Variants in MACO1 observed in about 807,000 individuals in gnomAD.
The protein encoded by MACO1 is macoilin 1.
Under a neutral mutation model 78.7 loss-of-function variants are expected in MACO1, and 14 were observed. The observed-to-expected ratio is 0.18, with a 90% CI of 0.12 to 0.28. The LOEUF is 0.28. Among genes scored for constraint, MACO1 ranks in the 10% least tolerant of loss-of-function variants. The pLI, the probability that MACO1 is intolerant of heterozygous loss-of-function variation, is 1.00. For synonymous variants in MACO1, 288 were observed against 291.6 expected (o/e 0.99, Z 0.12); for missense variants, 501 against 799.0 (o/e 0.63, Z 4.50).
chr1:25,467,619 A>T (rs930869992), intron 6 of MACO1, among the ~76,000 whole-genome samples: 1 of 152,158 alleles, frequency 6.6e-6, no homozygotes, highest in Non-Finnish European at 1.5e-5. Flanking sequence ...TATGGTATCA[A>T]CCCTTTAAAG....
At chr1:25,473,513 G>A (rs187579422) in intron 6 of MACO1, among the ~76,000 whole-genome samples, 2 of 152,254 alleles carry the variant, frequency 1.3e-5, no homozygotes, top group East Asian at 1.9e-4. Context: ...GTTGAGTCCC[G>A]AGAGTTCATT....
chr1:25,495,395 T>A (rs1435525721), intron 10 of MACO1, among the ~76,000 whole-genome samples: 3 of 152,218 alleles, frequency 2.0e-5, no homozygotes, highest in African/African-American at 7.2e-5. Context: ...ATACAGTGGC[T>A]TATATATCAG....
intron 6 of MACO1, among the ~76,000 whole-genome samples, chr1:25,475,917 C>T (rs2043318065): frequency 6.6e-6 from 1 of 152,066 alleles, no homozygotes; most frequent in Admixed American, 6.6e-5. Context: ...ATTGAATATT[C>T]TTCATTGGTG....
chr1:25,453,533 G>T lies in MACO1; in HGVS notation c.350-726G>T, dbSNP rs576968562. 4.0e-5 allele frequency among the ~76,000 whole-genome samples: 6 copies of T among 151,098 alleles called. No individual in the cohort carries two copies. In the South Asian group the frequency reaches 1.3e-3, roughly 32 times the overall value. ...AAAAAATTAGCCGGTCGTGGTGGTG[G>T]GCGCCTATAGTCCCAGCTATTTGAG... On this transcript the variant is annotated intron_variant, in intron 3 of 10. Transcript: ENST00000374343.
chr1:25,479,228 T>C (rs1392269761), intron 6 of MACO1, among the ~76,000 whole-genome samples: 2 of 152,214 alleles, frequency 1.3e-5, no homozygotes, highest in Non-Finnish European at 2.9e-5. Context: ...TGCATTAACC[T>C]TTTAACACCA....
intron 6 of MACO1, among the ~76,000 whole-genome samples, chr1:25,477,856 CAA>C (rs1349501498): frequency 6.6e-6 from 1 of 152,214 alleles, no homozygotes; most frequent in Non-Finnish European, 1.5e-5. Context: ...AGGTAATTCA[CAA>C]GAGATAAGAA....
At position 25,461,846 on chromosome 1, in the gene MACO1, T is replaced by C. The variant is rs570406904; in HGVS notation, c.1154+2954T>C. Among the ~76,000 whole-genome samples, 145 of 152,310 alleles carry C rather than the reference T, an allele frequency of 9.5e-4. 2 individuals carry two copies. The highest frequency in any genetic ancestry group is 3.4e-3 in the African/African-American group (140 of 41,562). On this transcript the variant is annotated intron_variant, in intron 6 of 10. Coordinates refer to ENST00000374343, the MANE Select transcript of MACO1 (RefSeq NM_018202.6). ...AACAATAGTTGTTATCCCTTGATAG[T>C]ATTGGGCATTTATTTTTTCTTTTTA...
chr1:25,455,204 A>T (rs2124583548), intron 4 of MACO1, among the ~76,000 whole-genome samples: 2 of 152,308 alleles, frequency 1.3e-5, no homozygotes, highest in African/African-American at 4.8e-5. Context: ...GTAAGAGAAT[A>T]TTATTAATAA....
intron 1 of MACO1, among the ~76,000 whole-genome samples, chr1:25,437,982 C>T (rs2042934403): frequency 6.6e-6 from 1 of 151,556 alleles, no homozygotes; most frequent in Non-Finnish European, 1.5e-5. Context: ...ATATTATAGG[C>T]GTGAGCCACC....
intron 4 of MACO1, 34 bp from the exon 5 acceptor site, chr1:25,456,618 AC>A (rs2043123584): frequency 1.3e-6 from 2 of 1,599,014 alleles, no homozygotes; most frequent in African/African-American, 2.7e-5. Context: ...TTCATTTTAA[AC>A]CTACAATTAC....
At chr1:25,496,152 CTTTTTCT>C (rs2043534656) in intron 10 of MACO1, among the ~76,000 whole-genome samples, 1 of 139,248 alleles carries the variant, frequency 7.2e-6, no homozygotes, top group Non-Finnish European at 1.6e-5. Flanking sequence ...TTTTTTTTTT[CTTTTTCT>C]TTTTTTTTTT....
At chr1:25,467,731 ATTT>A (rs34155576) in intron 6 of MACO1, among the ~76,000 whole-genome samples, 98 of 134,154 alleles carry the variant, frequency 7.3e-4, no homozygotes, top group African/African-American at 2.2e-3. Context: ...TAGAATGATG[ATTT>A]TTTTTTTTTT....
intron 7 of MACO1, among the ~76,000 whole-genome samples, chr1:25,484,848 G>C (rs1292547438): frequency 6.6e-6 from 1 of 151,990 alleles, no homozygotes; most frequent in African/African-American, 2.4e-5. Context: ...ACAGGCTGTT[G>C]GCTTTCTGGG....
chr1:25,460,500 G>A (rs2043161603), intron 6 of MACO1, among the ~76,000 whole-genome samples: 1 of 151,732 alleles, frequency 6.6e-6, no homozygotes, highest in Non-Finnish European at 1.5e-5. Flanking sequence ...ACCTCCCCAG[G>A]CTCAGGTTTT....
In MACO1 at chr1:25,499,832, T is replaced by G. The variant is rs575870893; in HGVS notation, c.*1366T>G. The G allele has an allele frequency of 1.0e-3, 153 of 152,322 alleles. 2 individuals are homozygous for G. The highest frequency in any genetic ancestry group is 3.0e-3 in the African/African-American group (123 of 41,558). The allele number at this position is 152,322 out of a possible 1,614,324, so 9.4% of individuals were successfully genotyped here. ...TTCTAAAATTTCCTGTTAATTGGCA[T>G]GTACGTCTCATTTAAAGCAAATTAA... On this transcript the variant is annotated 3_prime_UTR_variant, in exon 11 of 11. Coordinates refer to ENST00000374343, the MANE Select transcript of MACO1 (RefSeq NM_018202.6).
intron 3 of MACO1, among the ~76,000 whole-genome samples, chr1:25,452,976 T>C (rs1005303140): frequency 2.0e-5 from 3 of 151,118 alleles, no homozygotes; most frequent in African/African-American, 7.3e-5. Context: ...ATTACAAGCA[T>C]GAGCCACCAC....
At chr1:25,454,176 T>C (rs1442939707) in intron 3 of MACO1, 83 bp from the exon 4 acceptor site, 42 of 1,373,792 alleles carry the variant, frequency 3.1e-5, no homozygotes, top group Non-Finnish European at 4.0e-5. Flanking sequence ...AAAGTTACTG[T>C]CGTCAAATTA....
At chr1:25,488,611 G>A (rs1418764267) in intron 8 of MACO1, among the ~76,000 whole-genome samples, 4 of 150,520 alleles carry the variant, frequency 2.7e-5, no homozygotes, top group Non-Finnish European at 4.4e-5. Flanking sequence ...CTCCTGCCTC[G>A]GCCTCCCGAG....
At chr1:25,481,751 A>G (rs1035159249) in intron 6 of MACO1, among the ~76,000 whole-genome samples, 2 of 152,216 alleles carry the variant, frequency 1.3e-5, no homozygotes, top group African/African-American at 2.4e-5. Flanking sequence ...TTCAACTGGA[A>G]TAACTCTGGC....
Sources: allele counts gnomAD v4.1 joint callset (sites outside exome capture counted in the v4.1 genomes callset), GRCh38; gene constraint gnomAD v4.1.1; transcripts MANE v1.5; gene names NCBI Gene and HGNC (gene_info 2026-07-23, HGNC 2026-07-21).